Variants in MTA3 observed in about 807,000 individuals in gnomAD.
MTA3 encodes the protein metastasis-associated protein MTA3.
A neutral mutation model predicts 83.5 loss-of-function variants in MTA3; 34 were observed. The ratio of observed to expected loss-of-function variants is 0.41; its 90% CI spans 0.31 to 0.54. The LOEUF is 0.54. MTA3 is among the 20% of genes least tolerant of loss of function. MTA3 has a pLI of 0.33. For missense variants in MTA3, 761 were observed against 726.4 expected (o/e 1.05, Z -0.55); for synonymous variants, 303 against 252.7 (o/e 1.20, Z -1.89).
intron 8 of MTA3, among the ~76,000 whole-genome samples, chr2:42,660,312 C>T (rs1191189642): frequency 6.6e-6 from 1 of 152,212 alleles, no homozygotes; most frequent in Non-Finnish European, 1.5e-5. Context: ...TGGTCTCAAA[C>T]TTCTGACCTT....
At position 42,644,303 on chromosome 2, in the gene MTA3, TA is replaced by T; in HGVS notation, c.499+60del. On this transcript the variant is annotated intron_variant, in intron 6 of 16. Transcript: ENST00000405094. ...ACAAATATATCTTGAAACTCAAATATACATGTCCTCATGTAGAAGAGGCAAT... is the reference window on the plus strand; with the variant it reads ...ACAAATATATCTTGAAACTCAAATATCATGTCCTCATGTAGAAGAGGCAAT... The T allele has an allele frequency of 2.7e-6, 3 of 1,125,520 alleles. No homozygotes were observed. The Admixed American group carries it at 6.1e-5, about 23-fold the overall frequency. The allele number at this position is 1,125,520 out of a possible 1,614,324, so 69.7% of individuals were successfully genotyped here.
chr2:42,711,901 T>C, intron 14 of MTA3, among the ~76,000 whole-genome samples: 1 of 152,084 alleles, frequency 6.6e-6, no homozygotes, highest in East Asian at 1.9e-4. Flanking sequence ...TGTGATGCAA[T>C]GTGAATGTAC....
chr2:42,635,361 CTCATGTCT>C, intron 4 of MTA3, among the ~76,000 whole-genome samples: 1 of 152,166 alleles, frequency 6.6e-6, no homozygotes, highest in Non-Finnish European at 1.5e-5. Flanking sequence ...GGCAAAGTGG[CTCATGTCT>C]GTAATCCCAG....
At chr2:42,546,846 C>A (rs1676780330) in intron 2 of MTA3, among the ~76,000 whole-genome samples, 1 of 152,106 alleles carries the variant, frequency 6.6e-6, no homozygotes, top group Non-Finnish European at 1.5e-5. Flanking sequence ...GACATGTGGG[C>A]AGACAGGAGG....
chr2:42,504,318 C>G (rs987617593), intron 2 of MTA3, among the ~76,000 whole-genome samples: 1 of 152,106 alleles, frequency 6.6e-6, no homozygotes, highest in African/African-American at 2.4e-5. Flanking sequence ...TGGCTCACTA[C>G]AACTTCCACC....
intron 9 of MTA3, among the ~76,000 whole-genome samples, chr2:42,692,878 A>G (rs1326286097): frequency 2.0e-5 from 3 of 152,278 alleles, no homozygotes; most frequent in Middle Eastern, 6.8e-3. Context: ...AGAGTTAGGT[A>G]TTTACTGTAG....
chr2:42,579,687 A>G (rs998276204), intron 3 of MTA3, among the ~76,000 whole-genome samples: 4 of 152,184 alleles, frequency 2.6e-5, no homozygotes, highest in Middle Eastern at 6.8e-3. Context: ...GGATCTGGGC[A>G]GTGTCTTGCC....
chr2:42,674,915 C>CT lies in MTA3; in HGVS notation c.703-7476dup, dbSNP rs1297946154. On this transcript the variant is annotated intron_variant, in intron 8 of 16. Transcript: ENST00000405094. The stretch of plus-strand genomic sequence containing the variant: ...GCGCCTGGCCTAGTTTTCTTTCTTT[C>CT]TTTTTTTTTTAATATAGGCACTCAA... 3.0e-3 allele frequency among the ~76,000 whole-genome samples: 433 copies of CT among 146,340 alleles called. 1 individual carries two copies. Among genetic ancestry groups the CT allele is most frequent in the African/African-American group, 8.7e-3 (348 of 40,094 alleles).
Position 42,526,396 on chromosome 2 carries a change from C to T in MTA3, c.-141+31142C>T, listed in dbSNP as rs577218143. On this transcript the variant is annotated intron_variant, in intron 2 of 17. Coordinates refer to the MTA3 transcript ENST00000405592. ...CTGGGTGAGGCCAAGATTCCTGGCT[C>T]TCCCTGTGTCCCACACTTCTCCAGA... 9.2e-5 allele frequency among the ~76,000 whole-genome samples: 14 copies of T among 152,262 alleles called. No individual in the cohort carries two copies. The South Asian group carries it at 2.7e-3, about 29-fold the overall frequency.
At chr2:42,687,221 A>G (rs1692459650) in intron 9 of MTA3, among the ~76,000 whole-genome samples, 1 of 152,230 alleles carries the variant, frequency 6.6e-6, no homozygotes, top group Non-Finnish European at 1.5e-5. Context: ...ACAATACCCT[A>G]GCCCTAATCC....
At chr2:42,500,136 C>A (rs923898746) in intron 2 of MTA3, among the ~76,000 whole-genome samples, 1 of 151,830 alleles carries the variant, frequency 6.6e-6, no homozygotes, top group Non-Finnish European at 1.5e-5. Flanking sequence ...CGGTGGCTCA[C>A]GCCTATAATC....
upstream of MTA3, among the ~76,000 whole-genome samples, chr2:42,566,128 A>G (rs1677901548): frequency 6.6e-6 from 1 of 152,162 alleles, no homozygotes; most frequent in African/African-American, 2.4e-5. Context: ...CTTTATAGTT[A>G]AACTGCCAAA....
intron 4 of MTA3, among the ~76,000 whole-genome samples, chr2:42,627,725 A>ATTTTTTTTTTTT (rs869227831): frequency 3.1e-4 from 32 of 103,378 alleles, no homozygotes; most frequent in Non-Finnish European, 3.8e-4. Flanking sequence ...GCCTGGCTAA[A>ATTTTTTTTTTTT]TTTTTTTTTT....
At position 42,702,039 on chromosome 2, in the gene MTA3, C is replaced by T. The variant is rs568912147; in HGVS notation, c.1026-2155C>T. ...CAGCCTGGCCAACATGGTGAAACTC[C>T]GTCTCTACTAAAAATGTAAAAATTA... On this transcript the variant is annotated intron_variant, in intron 11 of 16. Coordinates refer to ENST00000405094, the MANE Select transcript of MTA3 (RefSeq NM_001330442.2). 3.7e-3 allele frequency among the ~76,000 whole-genome samples: 565 copies of T among 152,160 alleles called. 3 individuals carry two copies. The highest frequency in any genetic ancestry group is 0.012 in the African/African-American group (493 of 41,500).
At chr2:42,743,794 T>A (rs1489566105) in intron 16 of MTA3, among the ~76,000 whole-genome samples, 1 of 152,126 alleles carries the variant, frequency 6.6e-6, no homozygotes, top group Non-Finnish European at 1.5e-5. Context: ...AAAGCCATTG[T>A]ACCAGTGAGT....
At position 42,734,470 on chromosome 2, in the gene MTA3, C is replaced by CT. The variant is rs3040123; in HGVS notation, c.1759+11457dup. Among the ~76,000 whole-genome samples, 296 of 82,410 alleles carry CT rather than the reference C, an allele frequency of 3.6e-3. 1 individual carries two copies. Among genetic ancestry groups the CT allele is most frequent in the Non-Finnish European group, 4.3e-3 (195 of 45,030 alleles). 54.1% of individuals were successfully genotyped at this position (82,410 alleles called of 152,430 possible). A position where few individuals can be genotyped will look rare whatever the true frequency, so the allele number is the denominator to read the frequency against. ...TCTTGTAGGCAACAGATCACGGGGC[C>CT]TTTTTTTTTTTTTTTTTTTTTTAAT... is the stretch of plus-strand genomic sequence containing the variant. On this transcript the variant is annotated intron_variant, in intron 16 of 16. Coordinates refer to ENST00000405094, the MANE Select transcript of MTA3 (RefSeq NM_001330442.2).
chr2:42,754,981 C>T lies in MTA3; in HGVS notation c.*1582C>T, dbSNP rs1670139806. The T allele has an allele frequency of 1.0e-6, 1 of 985,370 alleles. No homozygotes were observed. The highest frequency in any genetic ancestry group is 1.2e-6 in the Non-Finnish European group (1 of 830,056). The allele number at this position is 985,370 out of a possible 1,614,324, so 61.0% of individuals were successfully genotyped here. A position where few individuals can be genotyped will look rare whatever the true frequency, so the allele number is the denominator to read the frequency against. Reference sequence around the variant, plus strand: ...GAGCATGGGATGTCTCCACCACCACCCACTCTTGGAGCTGTGCTGGGTCTT... The same window carrying T: ...GAGCATGGGATGTCTCCACCACCACTCACTCTTGGAGCTGTGCTGGGTCTT... On this transcript the variant is annotated 3_prime_UTR_variant, in exon 17 of 17. Coordinates refer to ENST00000405094, the MANE Select transcript of MTA3 (RefSeq NM_001330442.2).
chr2:42,568,878 A>T, intron 1 of MTA3, 105 bp downstream of exon 1: 3 of 1,108,452 alleles, frequency 2.7e-6, no homozygotes, highest in Non-Finnish European at 2.3e-6. Context: ...GCCGGGGCTG[A>T]GGTCGCAGTG....
chr2:42,656,155 A>T (rs554305037), intron 6 of MTA3, 45 bp from the exon 7 acceptor site: 1 of 1,390,042 alleles, frequency 7.2e-7, no homozygotes, highest in African/African-American at 1.4e-5. Flanking sequence ...ATGAGACAGT[A>T]TGCCTTGTCA....
Sources: gnomAD v4.1 joint callset for allele counts (sites outside exome capture counted in the v4.1 genomes callset) on GRCh38, gnomAD v4.1.1 for gene constraint, MANE v1.5 for transcripts, NCBI Gene and HGNC (gene_info 2026-07-23, HGNC 2026-07-21) for gene names.